Variants in ENOX1 observed in about 807,000 individuals in gnomAD.
The protein encoded by ENOX1 is candidate growth-related and time keeping constitutive hydroquinone (NADH) oxidase.
ENOX1 carries 42 observed loss-of-function variants against 82.5 expected under a neutral mutation model. The ratio of observed to expected loss-of-function variants is 0.51; its 90% CI spans 0.40 to 0.66. The LOEUF (loss-of-function observed/expected upper bound fraction) is 0.66. Ranked by LOEUF, ENOX1 falls within the 30% of genes least tolerant of loss-of-function variation. The probability of loss-of-function intolerance (pLI) is 0.00; values close to 1 mark genes in which losing one functional copy is unlikely to be tolerated. For missense variants in ENOX1, 608 were observed against 811.6 expected (o/e 0.75, Z 3.05); for synonymous variants, 271 against 282.2 (o/e 0.96, Z 0.40).
intron 2 of ENOX1, among the ~76,000 whole-genome samples, chr13:43,614,559 A>G (rs868091200): frequency 1.8e-4 from 2 of 11,318 alleles, no homozygotes; most frequent in Non-Finnish European, 5.0e-4. Flanking sequence ...TTTTTTTTTT[A>G]GCACTTGCTT....
chr13:43,303,228 TCAC>T (rs998681551), intron 11 of ENOX1, among the ~76,000 whole-genome samples: 1 of 152,222 alleles, frequency 6.6e-6, no homozygotes, highest in African/African-American at 2.4e-5. Context: ...CTGGCAAATG[TCAC>T]CACAATATCT....
chr13:43,394,433 A>C (rs972118362), intron 5 of ENOX1: 1 of 152,202 alleles, frequency 6.6e-6, no homozygotes, highest in Non-Finnish European at 1.5e-5. Context: ...GTCAAGACAC[A>C]CTGTTCTGTA....
chr13:43,460,133 A>C (rs946466837), intron 3 of ENOX1, among the ~76,000 whole-genome samples: 1 of 152,218 alleles, frequency 6.6e-6, no homozygotes, highest in Admixed American at 6.5e-5. Context: ...CTTTTGTTAC[A>C]AAATTATCCT....
chr13:43,417,369 T>A (rs1463292891), intron 3 of ENOX1, among the ~76,000 whole-genome samples: 3 of 152,210 alleles, frequency 2.0e-5, no homozygotes, highest in Admixed American at 2.0e-4. Context: ...GAATTTCCAA[T>A]AGTCTCAAGG....
chr13:43,462,325 A>G (rs1363929241), intron 3 of ENOX1, among the ~76,000 whole-genome samples: 1 of 152,230 alleles, frequency 6.6e-6, no homozygotes, highest in Non-Finnish European at 1.5e-5. Context: ...GTTAATTCTC[A>G]TATTTATTCC....
chr13:43,528,714 G>A (rs1451514117), intron 2 of ENOX1, among the ~76,000 whole-genome samples: 1 of 151,954 alleles, frequency 6.6e-6, no homozygotes, highest in African/African-American at 2.4e-5. Flanking sequence ...AGAATCCTAG[G>A]TTCAAAAAGT....
chr13:43,650,492 G>A (rs1166664545), intron 2 of ENOX1, among the ~76,000 whole-genome samples: 1 of 152,052 alleles, frequency 6.6e-6, no homozygotes, highest in Non-Finnish European at 1.5e-5. Context: ...ATTGAGGGGA[G>A]GCTCATTAGG....
intron 5 of ENOX1, among the ~76,000 whole-genome samples, chr13:43,386,984 G>C (rs1221520611): frequency 2.0e-5 from 3 of 152,190 alleles, no homozygotes; most frequent in African/African-American, 7.2e-5. Context: ...AGAAATGGCA[G>C]AGGAAAATTA....
At chr13:43,680,034 C>G (rs2085707512) in intron 1 of ENOX1, among the ~76,000 whole-genome samples, 1 of 152,168 alleles carries the variant, frequency 6.6e-6, no homozygotes, top group South Asian at 2.1e-4. Context: ...AAATACAACC[C>G]TAAAGGGGTT....
At chr13:43,464,764 A>G (rs1407771) in intron 3 of ENOX1, among the ~76,000 whole-genome samples, 69,805 of 151,890 alleles carry the variant, frequency 0.46, 16,464 homozygotes, top group Non-Finnish European at 0.5. Context: ...TCCAGACTTC[A>G]TTTGGATTTT....
intron 12 of ENOX1, among the ~76,000 whole-genome samples, chr13:43,296,258 C>T (rs2046280167): frequency 6.6e-6 from 1 of 152,188 alleles, no homozygotes; most frequent in African/African-American, 2.4e-5. Context: ...AAGATGAGGT[C>T]ATCCTGGAGC....
At chr13:43,544,286 C>A (rs908601996) in intron 2 of ENOX1, 1 of 152,158 alleles carries the variant, frequency 6.6e-6, no homozygotes. Context: ...GTTTCTTGGG[C>A]TGTAAATTAA....
intron 3 of ENOX1, among the ~76,000 whole-genome samples, chr13:43,445,219 G>C (rs2056569593): frequency 6.6e-6 from 1 of 151,590 alleles, no homozygotes; most frequent in Admixed American, 6.6e-5. Flanking sequence ...CACCTCCTGG[G>C]TTCACACCAT....
intron 7 of ENOX1, chr13:43,359,644 G>A: frequency 3.5e-6 from 2 of 575,042 alleles, no homozygotes; most frequent in Admixed American, 6.0e-5. Flanking sequence ...CTAAAGACTG[G>A]ATGGTGGGAA....
At chr13:43,399,470 T>C (rs1417997055) in intron 5 of ENOX1, among the ~76,000 whole-genome samples, 1 of 152,214 alleles carries the variant, frequency 6.6e-6, no homozygotes, top group Non-Finnish European at 1.5e-5. Flanking sequence ...CCAAGTCTTC[T>C]CTTTTCATTC....
chr13:43,533,542 T>C (rs2078322986), intron 2 of ENOX1, among the ~76,000 whole-genome samples: 2 of 152,144 alleles, frequency 1.3e-5, no homozygotes, highest in African/African-American at 4.8e-5. Context: ...TCTGAGTCCA[T>C]CACTGGTGAT....
intron 3 of ENOX1, among the ~76,000 whole-genome samples, chr13:43,440,465 G>A (rs1468055975): frequency 2.0e-5 from 3 of 152,104 alleles, no homozygotes; most frequent in Non-Finnish European, 1.5e-5. Context: ...GGTAACTCAC[G>A]ACATTTTTAA....
intron 11 of ENOX1, among the ~76,000 whole-genome samples, chr13:43,299,828 C>T (rs958544394): frequency 6.6e-6 from 1 of 152,162 alleles, no homozygotes; most frequent in Non-Finnish European, 1.5e-5. Context: ...GTGTGGAGCC[C>T]ACTGCACACC....
chr13:43,401,852 G>T (rs757044676), intron 5 of ENOX1, among the ~76,000 whole-genome samples: 2 of 151,998 alleles, frequency 1.3e-5, no homozygotes, highest in Non-Finnish European at 2.9e-5. Context: ...TCAAAGCCTT[G>T]AGAGAATCAA....
Sources: allele counts gnomAD v4.1 joint callset (sites outside exome capture counted in the v4.1 genomes callset), GRCh38; gene constraint gnomAD v4.1.1; transcripts MANE v1.5; gene names NCBI Gene and HGNC (gene_info 2026-07-23, HGNC 2026-07-21).